Variants in C1R observed in about 807,000 individuals in gnomAD.
The protein encoded by C1R is complement C1r, also known as complement C1r subcomponent.
In C1R, 15 loss-of-function variants were observed where a neutral mutation model predicts 27.6. That is an observed-to-expected ratio of 0.54 (90% confidence interval 0.36 to 0.84). The LOEUF is 0.84. Ranked by LOEUF, C1R falls within the 40% of genes least tolerant of loss-of-function variation. The probability of loss-of-function intolerance (pLI) is 0.01; values close to 1 mark genes in which losing one functional copy is unlikely to be tolerated. For synonymous variants in C1R, 253 were observed against 228.8 expected (o/e 1.11, Z -0.95); for missense variants, 544 against 577.9 (o/e 0.94, Z 0.60).
intron 9 of C1R, 111 bp downstream of exon 9, chr12:7,085,750 G>A: frequency 5.0e-6 from 2 of 397,352 alleles, no homozygotes; most frequent in East Asian, 3.6e-5. Context: ...TGAAGCCAGT[G>A]CCCTGGCAGA....
chr12:7,089,582 C>G lies in C1R; in HGVS notation c.571+5G>C, dbSNP rs1000247449. On this transcript the variant is annotated splice_donor_5th_base_variant and intron_variant, in intron 4 of 10. Coordinates refer to ENST00000647956, the MANE Select transcript of C1R (RefSeq NM_001733.7). ...CTTCCCCTCTGCTACACCACTCTGG[C>G]TCACCCTGGCAGGAATGCCTGTCTT... The G allele has an allele frequency of 1.3e-6, 1 of 780,796 alleles. No homozygotes were observed. Among genetic ancestry groups the G allele is most frequent in the Non-Finnish European group, 2.4e-6 (1 of 417,996 alleles). 48.4% of individuals were successfully genotyped at this position (780,796 alleles called of 1,614,324 possible).
Position 7,081,018 on chromosome 12 carries a change from CG to C in C1R, c.1631del (p.Pro544ArgfsTer46). ...TGTAGGACTCATCCTGACGGTAGTCCGGGTGGACGCTGACCCTGCGGATGGG... is the reference window on the plus strand; with the variant it reads ...TGTAGGACTCATCCTGACGGTAGTCCGGTGGACGCTGACCCTGCGGATGGG... ...NHPIRRVSVHPDYRQDESYNF... is the reference protein window; with the variant it reads ...NHPIRRVSVHXDYRQDESYNF... On this transcript the variant is annotated frameshift_variant, in exon 11 of 11. Transcript: ENST00000647956. LOFTEE classifies it low-confidence loss of function (END_TRUNC). The C allele has an allele frequency of 6.2e-7, 1 of 1,613,982 alleles. No individual in the cohort carries two copies. Among genetic ancestry groups the C allele is most frequent in the Non-Finnish European group, 8.5e-7 (1 of 1,179,892 alleles).
intron 3 of C1R, 89 bp downstream of exon 3, chr12:7,089,967 C>T (rs972670373): frequency 4.6e-5 from 32 of 699,230 alleles, no homozygotes; most frequent in South Asian, 2.5e-4. Context: ...GCCAGGCTTT[C>T]GGCTTCTTTG....
At chr12:7,092,168 G>A (rs1938292190) in intron 1 of C1R, 1 of 627,716 alleles carries the variant, frequency 1.6e-6, no homozygotes, top group African/African-American at 1.8e-5. Flanking sequence ...AGCCCAGAGG[G>A]AAGAAAGGAC....
At chr12:7,084,799 GATA>G (rs1938114038) in intron 9 of C1R, among the ~76,000 whole-genome samples, 1 of 141,114 alleles carries the variant, frequency 7.1e-6, no homozygotes, top group Non-Finnish European at 1.5e-5. Flanking sequence ...TCATGATGGT[GATA>G]ATGAGAGTGG....
chr12:7,085,078 TG>T (rs1393328994), intron 9 of C1R, among the ~76,000 whole-genome samples: 2 of 113,452 alleles, frequency 1.8e-5, no homozygotes, highest in African/African-American at 6.6e-5. Flanking sequence ...ATAGTGGTGA[TG>T]GTGGTGATGG....
At chr12:7,088,352 G>A (rs1938187405) in intron 7 of C1R, 1 of 676,948 alleles carries the variant, frequency 1.5e-6, no homozygotes, top group African/African-American at 1.8e-5. Context: ...CAGAGACAGA[G>A]TCTTGCTATA....
intron 9 of C1R, 80 bp from the exon 10 acceptor site, chr12:7,082,186 T>C: frequency 1.3e-6 from 1 of 789,130 alleles, no homozygotes; most frequent in East Asian, 2.7e-5. Flanking sequence ...AAGTACTGAG[T>C]GTGCTTGATG....
intron 9 of C1R, among the ~76,000 whole-genome samples, chr12:7,084,762 T>C (rs1215357652): frequency 6.6e-6 from 1 of 150,606 alleles, no homozygotes; most frequent in Non-Finnish European, 1.5e-5. Flanking sequence ...ATGGTGATGG[T>C]GGTGATGGTA....
At chr12:7,081,349 C>T in intron 10 of C1R, 48 bp from the exon 11 acceptor site, 1 of 1,540,916 alleles carries the variant, frequency 6.5e-7, no homozygotes, top group Non-Finnish European at 8.9e-7. Flanking sequence ...CCAGGTCCCA[C>T]ATCTCTTCCT....
In C1R at chr12:7,089,623, C is replaced by G. The variant is rs1318448209; in HGVS notation, c.535G>C (p.Gly179Arg). 1.3e-6 allele frequency: 1 copy of G among 780,938 alleles called. No homozygotes were observed. The highest frequency in any genetic ancestry group is 1.3e-5 in the South Asian group (1 of 74,628). The allele number at this position is 780,938 out of a possible 1,614,324, so 48.4% of individuals were successfully genotyped here. A position where few individuals can be genotyped will look rare whatever the true frequency, so the allele number is the denominator to read the frequency against. The change falls in exon 4 of 11, where the codon GGC (glycine) becomes CGC (arginine). Residue 179 changes from glycine to arginine, a missense_variant. This residue lies in a region of C1R where 291 missense variants were observed against 209.0 expected (regional missense o/e 1.39). Transcript: ENST00000647956. ...TGCCTGTCTTCCTGAAGCTCATAGC[C>G]TGGACGGCAGGAACAGAAGTAGCCT... is the stretch of plus-strand genomic sequence containing the variant. ...VGGYFCSCRP[G>R]YELQEDRHSC... is the part of the protein sequence containing the mutation.
rs1050996971 is a variant in C1R at position 7,091,155 on chromosome 12, G to A, written c.231+297C>T. 2.6e-6 allele frequency: 1 copy of A among 388,642 alleles called. No homozygotes were observed. The highest frequency in any genetic ancestry group is 4.6e-6 in the Non-Finnish European group (1 of 215,296). 24.1% of individuals were successfully genotyped at this position (388,642 alleles called of 1,614,324 possible). A position where few individuals can be genotyped will look rare whatever the true frequency, so the allele number is the denominator to read the frequency against. On this transcript the variant is annotated intron_variant, in intron 2 of 10. Coordinates refer to ENST00000647956, the MANE Select transcript of C1R (RefSeq NM_001733.7). The surrounding 1 kb of genome is among the most constrained non-coding windows in gnomAD (Gnocchi z 5.1). ...GGAGACAGGGAAGCTGAGGCACAGT[G>A]GTTTCCCAAAGACTCTCAGCTAGAC...
In C1R at chr12:7,082,069, A is replaced by G; in HGVS notation, c.1311T>C (p.Asn437=). ...GAGGAATCTTCTCTCCCTTCTGTTC[A>G]TTCTTCCAAATGCCCTGTGCTGTGC... ...YTCTAQGIWK[N]EQKGEKIPRC... is the part of the protein sequence containing the mutation. The change falls in exon 10 of 11, where the codon AAT becomes AAC. Residue 437 remains asparagine, a synonymous_variant. Transcript: ENST00000647956. The G allele has an allele frequency of 1.3e-6, 2 of 1,536,782 alleles. No individual in the cohort carries two copies. Among genetic ancestry groups the G allele is most frequent in the African/African-American group, 1.4e-5 (1 of 73,132 alleles).
rs766909412 is a variant in C1R, at chr12:7,090,141, C to A, written c.339G>T (p.Leu113=). The A allele has an allele frequency of 1.3e-6, 1 of 775,780 alleles. No individual in the cohort carries two copies. Among genetic ancestry groups the A allele is most frequent in the East Asian group, 2.4e-5 (1 of 41,114 alleles). 48.1% of individuals were successfully genotyped at this position (775,780 alleles called of 1,614,324 possible). Residue 113 remains leucine (L), a synonymous_variant, in exon 3 of 11, where the codon CTG becomes CTT. Transcript: ENST00000647956. ...TGGAGAAGTCTGTGTGGAAGGTCAG[C>A]AGCATCTTGTTCCCTTGGGACATAA... The part of the protein sequence containing the change: ...KEFMSQGNKM[L]LTFHTDFSNE...
intron 9 of C1R, 27 bp from the exon 10 acceptor site, chr12:7,082,133 G>T: frequency 1.5e-6 from 2 of 1,333,610 alleles, no homozygotes; most frequent in Non-Finnish European, 1.0e-6. Context: ...CAAGAATCAA[G>T]TTGGGGGGTG....
Position 7,090,254 on chromosome 12 carries a change from GGAA to G in C1R, c.232-9_232-7del, listed in dbSNP as rs1274296738. The stretch of plus-strand genomic sequence containing the variant: ...CTTTTCTTATCAGCAGAGATCTGGT[GGAA>G]GAAGGACAGGGGGTAGGAAGAAGAT... On this transcript the variant is annotated splice_polypyrimidine_tract_variant and splice_region_variant and intron_variant, in intron 2 of 10. Transcript: ENST00000647956. 1.4e-6 allele frequency: 1 copy of G among 725,142 alleles called. No individual in the cohort carries two copies. Among genetic ancestry groups the G allele is most frequent in the Non-Finnish European group, 2.6e-6 (1 of 387,998 alleles). 44.9% of individuals were successfully genotyped at this position (725,142 alleles called of 1,614,324 possible).
chr12:7,089,542 GC>G (rs1384084233), intron 4 of C1R, 44 bp downstream of exon 4: 1 of 780,488 alleles, frequency 1.3e-6, no homozygotes, highest in South Asian at 1.3e-5. Context: ...GGCCCAGCAA[GC>G]CCTGGCTCAA....
At position 7,081,287 on chromosome 12, in the gene C1R, C is replaced by G; in HGVS notation, c.1363G>C (p.Val455Leu). The stretch of plus-strand genomic sequence containing the variant: ...CGCTGCCTCTGTTCCACGGGGTTCA[C>G]GGGCTTCCCACACACTGAGGGAGAG... ...PRCLPVCGKP[V>L]NPVEQRQRII... The change falls in exon 11 of 11, where the codon GTG (valine) becomes CTG (leucine). Residue 455 changes from valine to leucine, a missense_variant. Physicochemically the swap from Val to Leu is conservative, Grantham distance 32. Around this residue, in one of 2 missense-constraint regions of C1R, gnomAD observed 253 missense variants for 368.9 expected, o/e 0.69. Coordinates refer to ENST00000647956, the MANE Select transcript of C1R (RefSeq NM_001733.7). The G allele has an allele frequency of 6.2e-7, 1 of 1,610,172 alleles. No individual in the cohort carries two copies. The highest frequency in any genetic ancestry group is 8.5e-7 in the Non-Finnish European group (1 of 1,178,214).
chr12:7,089,155 G>A (rs767254599), intron 5 of C1R, 138 bp downstream of exon 5: 225 of 641,628 alleles, frequency 3.5e-4, no homozygotes, highest in Non-Finnish European at 5.5e-4. Context: ...TAGTTGTGTG[G>A]GAACTTACCC....
Sources: allele counts gnomAD v4.1 joint callset (sites outside exome capture counted in the v4.1 genomes callset), GRCh38; gene constraint gnomAD v4.1.1; regional missense constraint gnomAD v4.1.1; non-coding constraint Gnocchi (gnomAD v3.1); transcripts MANE v1.5; gene names NCBI Gene and HGNC (gene_info 2026-07-23, HGNC 2026-07-21).